USP7: variants seen among roughly 807,000 people sequenced by gnomAD.
USP7 encodes the protein ubiquitin C-terminal hydrolase 7.
In USP7, 9 loss-of-function variants were observed where a neutral mutation model predicts 162.9. The ratio of observed to expected loss-of-function variants is 0.06; its 90% confidence interval spans 0.03 to 0.10. The LOEUF (loss-of-function observed/expected upper bound fraction) is 0.10, where lower values mean the gene tolerates loss of function less well. Ranked by LOEUF, USP7 falls within the 10% of genes least tolerant of loss-of-function variation. The pLI, the probability that USP7 is intolerant of heterozygous loss-of-function variation, is 1.00. For missense variants in USP7, 715 were observed against 1,373.7 expected, an observed-to-expected ratio of 0.52 and a Z score of 7.58; for synonymous variants, 562 against 475.9, an observed-to-expected ratio of 1.18 and a Z score of -2.35.
rs150096079 is a variant in USP7 at position 8,903,371 on chromosome 16, T to A, written c.1736A>T (p.Gln579Leu). 6.2e-7 allele frequency: 1 copy of A among 1,613,988 alleles called. No homozygotes were observed. Among genetic ancestry groups the A allele is most frequent in the African/African-American group, 1.3e-5 (1 of 74,910 alleles). The change falls in exon 16 of 31, where the codon CAA (glutamine) becomes CTA (leucine). Residue 579 changes from glutamine to leucine, a missense_variant. Physicochemically the swap from Gln to Leu is moderately radical, Grantham distance 113. This residue lies in a region of USP7 where 197 missense variants were observed against 306.5 expected (regional missense o/e 0.64). Transcript: ENST00000344836. ...TTCTTCATCGTACATGTCATTCCCT[T>A]GGTGGCCACAAAACTGGTCCTCTGC... ...IVAEDQFCGH[Q>L]GNDMYDEEKV... is the part of the protein sequence containing the mutation.
At chr16:8,956,777 A>AAAC (rs952276398) in intron 1 of USP7, among the ~76,000 whole-genome samples, 26 of 79,636 alleles carry the variant, frequency 3.3e-4, no homozygotes, top group Non-Finnish European at 3.2e-4. Context: ...AAACAAAAAC[A>AAAC]AAAAAAAAAA....
At chr16:8,955,473 AG>A (rs1899748872) in intron 1 of USP7, among the ~76,000 whole-genome samples, 1 of 152,010 alleles carries the variant, frequency 6.6e-6, no homozygotes, top group Non-Finnish European at 1.5e-5. Context: ...CTGTAATCCC[AG>A]CACTTTGGGA....
intron 15 of USP7, among the ~76,000 whole-genome samples, chr16:8,903,629 G>A (rs1412940384): frequency 6.6e-6 from 1 of 152,154 alleles, no homozygotes; most frequent in East Asian, 1.9e-4. Flanking sequence ...CACTTTGGGA[G>A]GCCGAGGCGG....
At chr16:8,912,903 G>T (rs1037004554) in intron 10 of USP7, among the ~76,000 whole-genome samples, 3 of 152,160 alleles carry the variant, frequency 2.0e-5, no homozygotes, top group African/African-American at 7.2e-5. Flanking sequence ...GATTCACAGA[G>T]AACTAGACAC....
intron 27 of USP7, 36 bp downstream of exon 27, chr16:8,895,606 A>C: frequency 1.9e-6 from 3 of 1,538,792 alleles, no homozygotes; most frequent in Non-Finnish European, 2.7e-6. Flanking sequence ...GGGCTCATGA[A>C]TTCTCTCTGG....
chr16:8,958,937 G>A (rs1368234943), intron 1 of USP7, among the ~76,000 whole-genome samples: 1 of 152,234 alleles, frequency 6.6e-6, no homozygotes, highest in Non-Finnish European at 1.5e-5. Flanking sequence ...CATCGGATAT[G>A]GTTACTGTGG....
intron 1 of USP7, among the ~76,000 whole-genome samples, chr16:8,957,555 A>G (rs1035551787): frequency 6.6e-6 from 1 of 151,810 alleles, no homozygotes; most frequent in African/African-American, 2.4e-5. Flanking sequence ...ACCAGCCTGA[A>G]CATAGCAAGA....
In USP7 at chr16:8,963,247, G is replaced by A. The variant is rs1437976983; in HGVS notation, c.39C>T (p.Gly13=). 4 of 1,388,830 alleles carry A rather than the reference G, an allele frequency of 2.9e-6. No homozygotes were observed. The highest frequency in any genetic ancestry group is 2.3e-4 in the Middle Eastern group (1 of 4,350). 86.0% of individuals were successfully genotyped at this position (1,388,830 alleles called of 1,614,324 possible). ...CCTCGGGCTCGCTCAACTGCTGCTCGCCCGCTTTCTGCTGCTGCTGCTGCT... is the reference window on the plus strand; with the variant it reads ...CCTCGGGCTCGCTCAACTGCTGCTCACCCGCTTTCTGCTGCTGCTGCTGCT... ...HQQQQQQQKA[G]EQQLSEPEDM... is the part of the protein sequence containing the mutation. The change falls in exon 1 of 31, where the codon GGC becomes GGT. Residue 13 remains glycine (G), a synonymous_variant. Coordinates refer to ENST00000344836, the MANE Select transcript of USP7 (RefSeq NM_003470.3).
At chr16:8,920,882 T>C (rs566934526) in intron 4 of USP7, among the ~76,000 whole-genome samples, 2 of 152,338 alleles carry the variant, frequency 1.3e-5, no homozygotes, top group South Asian at 4.1e-4. Context: ...GCCTGAATCA[T>C]GAAAGGACCT....
In USP7 at chr16:8,903,253, G is replaced by A. The variant is rs773830453; in HGVS notation, c.1839+15C>T. 22 of 1,604,786 alleles carry A rather than the reference G, an allele frequency of 1.4e-5. No homozygotes were observed. Among genetic ancestry groups the A allele is most frequent in the African/African-American group, 1.1e-4 (8 of 74,676 alleles). On this transcript the variant is annotated intron_variant, in intron 16 of 30. Coordinates refer to ENST00000344836, the MANE Select transcript of USP7 (RefSeq NM_003470.3). ...GGGAGCCACGGTGGGGTATATCCAC[G>A]GGACCGGTACGCACCATGGTCTGAG...
At chr16:8,935,753 G>A (rs1030935455) in intron 1 of USP7, 2 of 152,040 alleles carry the variant, frequency 1.3e-5, no homozygotes, top group African/African-American at 2.4e-5. Context: ...ATATGTTTTT[G>A]AAACACCAAG....
chr16:8,903,821 C>A (rs139207898), intron 15 of USP7, among the ~76,000 whole-genome samples: 1 of 149,868 alleles, frequency 6.7e-6, no homozygotes, highest in Non-Finnish European at 1.5e-5. Context: ...GAGCAGAGAT[C>A]GCGCCACTGC....
At chr16:8,918,093 G>A (rs562395939) in intron 6 of USP7, among the ~76,000 whole-genome samples, 1 of 152,118 alleles carries the variant, frequency 6.6e-6, no homozygotes, top group African/African-American at 2.4e-5. Flanking sequence ...CCCAGCCATG[G>A]AGCACCATTT....
At chr16:8,953,085 T>C (rs974612822) in intron 1 of USP7, among the ~76,000 whole-genome samples, 1 of 152,128 alleles carries the variant, frequency 6.6e-6, no homozygotes. Context: ...TCTGTCGCCT[T>C]GGCCTCCCGA....
At chr16:8,931,319 G>C (rs1898322862) in intron 1 of USP7, among the ~76,000 whole-genome samples, 1 of 152,000 alleles carries the variant, frequency 6.6e-6, no homozygotes, top group African/African-American at 2.4e-5. Context: ...CTCCTGAGTA[G>C]CTGGGATTAG....
chr16:8,937,132 A>G (rs1336220467), intron 1 of USP7, among the ~76,000 whole-genome samples: 1 of 152,146 alleles, frequency 6.6e-6, no homozygotes, highest in East Asian at 1.9e-4. Context: ...CTTACCACAC[A>G]TCAGTAATCC....
At chr16:8,929,377 G>C (rs1302898456) in intron 2 of USP7, 1 of 422,924 alleles carries the variant, frequency 2.4e-6, no homozygotes, top group Admixed American at 2.5e-5. Context: ...ACCTTCCTCA[G>C]ATATTGCCTC....
In USP7 at chr16:8,898,347, TAAAA is replaced by T; in HGVS notation, c.2718+9_2718+12del. On this transcript the variant is annotated intron_variant, in intron 25 of 30. Transcript: ENST00000344836. ...CAATAAAAATTAAAATTCATAGTAT[TAAAA>T]AAACTTACCTCTTCCCTAAATTGGC... 1 of 1,587,232 alleles carries T rather than the reference TAAAA, an allele frequency of 6.3e-7. No individual in the cohort carries two copies. The highest frequency in any genetic ancestry group is 8.6e-7 in the Non-Finnish European group (1 of 1,166,308).
At chr16:8,913,014 C>T (rs1217877797) in intron 10 of USP7, among the ~76,000 whole-genome samples, 1 of 152,056 alleles carries the variant, frequency 6.6e-6, no homozygotes, top group Non-Finnish European at 1.5e-5. Flanking sequence ...TAACCTCAGG[C>T]AGCCAGAATC....
Sources: allele counts gnomAD v4.1 joint callset (sites outside exome capture counted in the v4.1 genomes callset), GRCh38; gene constraint gnomAD v4.1.1; regional missense constraint gnomAD v4.1.1; transcripts MANE v1.5; gene names NCBI Gene and HGNC (gene_info 2026-07-23, HGNC 2026-07-21).